The following ERBIN variants were observed in gnomAD, a reference collection of about 807,000 sequenced individuals.
ERBIN encodes the protein densin-180-like protein.
ERBIN carries 60 observed loss-of-function variants against 158.4 expected under a neutral mutation model. The observed-to-expected ratio is 0.38, with a 90% CI of 0.31 to 0.47. ERBIN has a LOEUF of 0.47. Among genes scored for constraint, ERBIN ranks in the 20% least tolerant of loss-of-function variants. The pLI is 0.99. For synonymous variants in ERBIN, 594 were observed against 557.2 expected (o/e 1.07, Z -0.93); for missense variants, 1,610 against 1,648.0 (o/e 0.98, Z 0.40).
chr5:65,973,704 G>A (rs571578933), intron 1 of ERBIN, among the ~76,000 whole-genome samples: 1 of 151,442 alleles, frequency 6.6e-6, no homozygotes, highest in Admixed American at 6.5e-5. Context: ...TGGGTAGGTG[G>A]AATGAGGAGT....
chr5:65,972,606 C>T (rs1355501530), intron 1 of ERBIN, among the ~76,000 whole-genome samples: 1 of 151,296 alleles, frequency 6.6e-6, no homozygotes, highest in Non-Finnish European at 1.5e-5. Flanking sequence ...TTTTCCTCTC[C>T]ATATCTGTTA....
At chr5:65,967,519 C>T (rs568131561) in intron 1 of ERBIN, among the ~76,000 whole-genome samples, 2 of 152,090 alleles carry the variant, frequency 1.3e-5, no homozygotes, top group African/African-American at 4.8e-5. Flanking sequence ...GCATGCGGTA[C>T]GTGTTCTTAG....
chr5:66,012,219 A>AT (rs1369024840), intron 5 of ERBIN, 92 bp downstream of exon 5: 2 of 811,832 alleles, frequency 2.5e-6, no homozygotes, highest in Non-Finnish European at 3.8e-6. Context: ...CAAAAATTTT[A>AT]TATCAATCTT....
chr5:66,044,440 C>G (rs1758212003), intron 17 of ERBIN, 130 bp downstream of exon 17: 1 of 801,658 alleles, frequency 1.2e-6, no homozygotes, highest in Non-Finnish European at 1.9e-6. Flanking sequence ...TTTCGGTCGA[C>G]ATGCTCACAT....
chr5:65,942,908 CAAAA>C (rs56041538), intron 1 of ERBIN, among the ~76,000 whole-genome samples: 23 of 138,590 alleles, frequency 1.7e-4, no homozygotes, highest in Admixed American at 3.7e-4. Context: ...ACTCCGTCTC[CAAAA>C]AAAAAAAAAA....
chr5:66,018,415 A>ATC (rs1755028066), intron 7 of ERBIN, among the ~76,000 whole-genome samples: 1 of 103,406 alleles, frequency 9.7e-6, no homozygotes, highest in South Asian at 2.8e-4. Context: ...TTATATGTAT[A>ATC]TACCTAAGAA....
chr5:66,037,873 G>GAC (rs1160970042), intron 14 of ERBIN, among the ~76,000 whole-genome samples: 5 of 152,044 alleles, frequency 3.3e-5, no homozygotes, highest in African/African-American at 1.2e-4. Flanking sequence ...CATTACTGTA[G>GAC]ACAGGATACA....
At chr5:66,003,057 T>C (rs1252757436) in intron 4 of ERBIN, among the ~76,000 whole-genome samples, 1 of 152,238 alleles carries the variant, frequency 6.6e-6, no homozygotes, top group African/African-American at 2.4e-5. Flanking sequence ...GTGTTATATC[T>C]GGTCCAAATC....
chr5:66,071,410 AT>A (rs11365734), intron 21 of ERBIN, among the ~76,000 whole-genome samples: 1,828 of 152,218 alleles, frequency 0.012, 38 homozygotes, highest in African/African-American at 0.042. Context: ...GGGTAATGAG[AT>A]TGAGTCTTAT....
chr5:66,071,859 T>A (rs1212571129), intron 21 of ERBIN, among the ~76,000 whole-genome samples: 3 of 152,148 alleles, frequency 2.0e-5, no homozygotes, highest in African/African-American at 7.2e-5. Context: ...AAGCTAGGTA[T>A]TACTGTAAGT....
chr5:66,017,779 A>G (rs114950964), intron 7 of ERBIN, among the ~76,000 whole-genome samples: 1,672 of 152,194 alleles, frequency 0.011, 27 homozygotes, highest in Middle Eastern at 0.065. Context: ...GAGAATTAGC[A>G]TTCTCCAGTG....
chr5:66,078,573 G>T lies in ERBIN; in HGVS notation c.*43G>T, dbSNP rs1387958085. The T allele has an allele frequency of 8.9e-7, 1 of 1,121,672 alleles. No homozygotes were observed. Among genetic ancestry groups the T allele is most frequent in the East Asian group, 2.4e-5 (1 of 42,268 alleles). The allele number at this position is 1,121,672 out of a possible 1,614,324, so 69.5% of individuals were successfully genotyped here. A position where few individuals can be genotyped will look rare whatever the true frequency, so the allele number is the denominator to read the frequency against. On this transcript the variant is annotated 3_prime_UTR_variant, in exon 26 of 26. Coordinates refer to ENST00000284037, the MANE Select transcript of ERBIN (RefSeq NM_001253697.2). The stretch of plus-strand genomic sequence containing the variant: ...AGCGGGGAAGACAGCAAGATTTATT[G>T]GAAGATACTTACAGGGGAAATTAAT...
rs869119758 is a variant in ERBIN at position 66,050,226 on chromosome 5, C to CTTTTT, written c.1904-525_1904-521dup. The stretch of plus-strand genomic sequence containing the variant: ...ACCTTGTCAGTAACTAAATCGAATT[C>CTTTTT]TTTTTTTTTTTTTTTTTTTTTTTTT... On this transcript the variant is annotated intron_variant, in intron 19 of 25. Coordinates refer to ENST00000284037, the MANE Select transcript of ERBIN (RefSeq NM_001253697.2). 8.2e-4 allele frequency among the ~76,000 whole-genome samples: 8 copies of CTTTTT among 9,760 alleles called. 4 individuals carry two copies. The highest frequency in any genetic ancestry group is 2.3e-3 in the Admixed American group (2 of 882). 6.4% of individuals were successfully genotyped at this position (9,760 alleles called of 152,430 possible). A position where few individuals can be genotyped will look rare whatever the true frequency, so the allele number is the denominator to read the frequency against.
chr5:65,953,730 T>C (rs1746777523), intron 1 of ERBIN, among the ~76,000 whole-genome samples: 1 of 152,244 alleles, frequency 6.6e-6, no homozygotes, highest in African/African-American at 2.4e-5. Flanking sequence ...ACTAGAAGCT[T>C]ACTGATATTA....
rs1742686677 is a variant in ERBIN, at chr5:65,926,676, G to T, written c.-188G>T. On this transcript the variant is annotated 5_prime_UTR_variant, in exon 1 of 26. Coordinates refer to ENST00000284037, the MANE Select transcript of ERBIN (RefSeq NM_001253697.2). ...CCAAAGCCACCTACTCTTCTTCTGT[G>T]GGAGGCCAGTCCACATCCGCTCTCA... 1 of 151,776 alleles carries T rather than the reference G, an allele frequency of 6.6e-6. No homozygotes were observed. The highest frequency in any genetic ancestry group is 1.5e-5 in the Non-Finnish European group (1 of 67,988). 9.4% of individuals were successfully genotyped at this position (151,776 alleles called of 1,614,324 possible). A position where few individuals can be genotyped will look rare whatever the true frequency, so the allele number is the denominator to read the frequency against.
intron 1 of ERBIN, among the ~76,000 whole-genome samples, chr5:65,966,020 A>G (rs251294): frequency 0.73 from 111,689 of 152,128 alleles, 42,756 homozygotes; most frequent in Non-Finnish European, 0.86. Context: ...TTTTCTGTAT[A>G]TGTTCTCATG....
chr5:65,995,428 G>A (rs894772375), intron 4 of ERBIN, among the ~76,000 whole-genome samples: 4 of 149,978 alleles, frequency 2.7e-5, no homozygotes, highest in Admixed American at 1.3e-4. Flanking sequence ...ATATCCTCCA[G>A]GTTTATCCAT....
chr5:65,949,504 G>C (rs1746240872), intron 1 of ERBIN, among the ~76,000 whole-genome samples: 1 of 152,186 alleles, frequency 6.6e-6, no homozygotes, highest in Non-Finnish European at 1.5e-5. Context: ...GGATATGAGT[G>C]CTGCTGTCAG....
At chr5:65,977,602 G>A (rs1365561077) in intron 1 of ERBIN, among the ~76,000 whole-genome samples, 2 of 151,104 alleles carry the variant, frequency 1.3e-5, no homozygotes, top group Admixed American at 6.6e-5. Flanking sequence ...ATGTGATGGC[G>A]GCTGGGAAGA....
Sources: allele counts gnomAD v4.1 joint callset (sites outside exome capture counted in the v4.1 genomes callset), GRCh38; gene constraint gnomAD v4.1.1; transcripts MANE v1.5; gene names NCBI Gene and HGNC (gene_info 2026-07-23, HGNC 2026-07-21).